The following TIAM1 variants were observed in gnomAD, a reference collection of about 807,000 sequenced individuals.
TIAM1 encodes TIAM Rac1 associated GEF 1.
Under a neutral mutation model 163.5 loss-of-function variants are expected in TIAM1, and 65 were observed. That is an observed-to-expected ratio of 0.40 (90% CI 0.33 to 0.49). The LOEUF (loss-of-function observed/expected upper bound fraction) is 0.49, where lower values mean the gene tolerates loss of function less well. Ranked by LOEUF, TIAM1 falls within the 20% of genes least tolerant of loss-of-function variation. TIAM1 has a pLI of 0.77. For missense variants in TIAM1, 1,789 were observed against 2,044.7 expected (o/e 0.87, Z 2.41); for synonymous variants, 833 against 810.1 (o/e 1.03, Z -0.48).
intron 2 of TIAM1, among the ~76,000 whole-genome samples, chr21:31,294,373 A>AAGCTGAG (rs2074152183): frequency 1.3e-5 from 2 of 152,350 alleles, no homozygotes; most frequent in Middle Eastern, 3.4e-3. Context: ...GAGAGAAAGC[A>AAGCTGAG]AGCTGAGAGT....
At chr21:31,158,743 A>G (rs1352842603) in intron 16 of TIAM1, among the ~76,000 whole-genome samples, 3 of 152,142 alleles carry the variant, frequency 2.0e-5, no homozygotes, top group Non-Finnish European at 4.4e-5. Flanking sequence ...TCTAAGCTAG[A>G]GATTTTTCCA....
In TIAM1 at chr21:31,479,117, C is replaced by A. The variant is rs547405171; in HGVS notation, c.-421-15082G>T. On this transcript the variant is annotated intron_variant, in intron 1 of 28. Coordinates refer to the TIAM1 transcript ENST00000286827. ...TTCGTGAGCATTAGGACTGTCACAA[C>A]TGTGGTCTGCACAACTTAGATTCCA... Among the ~76,000 whole-genome samples, 33 of 152,350 alleles carry A rather than the reference C, an allele frequency of 2.2e-4. 1 individual carries two copies. In the South Asian group the frequency reaches 5.6e-3, roughly 26 times the overall value.
intron 2 of TIAM1, among the ~76,000 whole-genome samples, chr21:31,422,899 T>C (rs2043628335): frequency 6.6e-6 from 1 of 152,058 alleles, no homozygotes; most frequent in African/African-American, 2.4e-5. Flanking sequence ...CATCCATTGC[T>C]CCTGCAGCAC....
chr21:31,316,015 G>C (rs1387544697), intron 2 of TIAM1, among the ~76,000 whole-genome samples: 5 of 152,164 alleles, frequency 3.3e-5, no homozygotes, highest in South Asian at 2.1e-4. Context: ...CATCAACCAT[G>C]ATGACCCTGA....
chr21:31,347,734 G>T (rs1387645523), upstream of TIAM1, among the ~76,000 whole-genome samples: 1 of 152,158 alleles, frequency 6.6e-6, no homozygotes, highest in Non-Finnish European at 1.5e-5. Context: ...AAAGATGCAT[G>T]CACGGACGTT....
intron 3 of TIAM1, among the ~76,000 whole-genome samples, chr21:31,268,500 A>T (rs1044601471): frequency 1.6e-4 from 24 of 152,352 alleles, no homozygotes; most frequent in Admixed American, 1.4e-3. Context: ...CACAAAGGGA[A>T]ACCCTCCATT....
intron 10 of TIAM1, 81 bp from the exon 11 acceptor site, chr21:31,210,296 A>G: frequency 2.1e-6 from 3 of 1,457,256 alleles, no homozygotes; most frequent in Non-Finnish European, 2.8e-6. Flanking sequence ...CACAGGAATC[A>G]CCGATTCCCA....
intron 1 of TIAM1, among the ~76,000 whole-genome samples, chr21:31,489,124 A>G (rs185445478): frequency 6.7e-6 from 1 of 149,970 alleles, no homozygotes; most frequent in Non-Finnish European, 1.5e-5. Context: ...AATTGCAGCA[A>G]TTTGGGAGGC....
rs1252266865 is a variant in TIAM1 at position 31,210,643 on chromosome 21, A to G, written c.2218-428T>C. Among the ~76,000 whole-genome samples the G allele has an allele frequency of 8.5e-4, 21 of 24,580 alleles. 1 individual carries two copies. Among genetic ancestry groups the G allele is most frequent in the African/African-American group, 3.5e-3 (17 of 4,866 alleles). 16.1% of individuals were successfully genotyped at this position (24,580 alleles called of 152,430 possible). A position where few individuals can be genotyped will look rare whatever the true frequency, so the allele number is the denominator to read the frequency against. ...AAAGAAAGAAAGAAAGAAAGAAAGA[A>G]AGAAAGAAAGAAAGAAAGAAAGAAA... On this transcript the variant is annotated intron_variant, in intron 10 of 27. Transcript: ENST00000541036.
At chr21:31,268,682 C>T (rs1240902314) in intron 3 of TIAM1, among the ~76,000 whole-genome samples, 7 of 152,188 alleles carry the variant, frequency 4.6e-5, no homozygotes, top group Admixed American at 3.3e-4. Context: ...AATATGTTCA[C>T]GCTTCTCTGG....
At chr21:31,202,832 A>G (rs2086269744) in intron 12 of TIAM1, 76 bp downstream of exon 12, 1 of 1,395,272 alleles carries the variant, frequency 7.2e-7, no homozygotes, top group South Asian at 1.2e-5. Context: ...TCCACCAACT[A>G]CAATTAACAC....
At chr21:31,249,050 T>C (rs572736911) in intron 5 of TIAM1, among the ~76,000 whole-genome samples, 16 of 152,346 alleles carry the variant, frequency 1.1e-4, no homozygotes, top group African/African-American at 3.6e-4. Flanking sequence ...CCTGGGAAGC[T>C]TGTTTAAATC....
At chr21:31,241,556 C>A (rs2071176117) in intron 6 of TIAM1, among the ~76,000 whole-genome samples, 2 of 152,146 alleles carry the variant, frequency 1.3e-5, no homozygotes, top group South Asian at 4.2e-4. Flanking sequence ...AAGAAAGTCA[C>A]TAAACAAAGA....
At chr21:31,485,396 C>G (rs974827607) in intron 1 of TIAM1, among the ~76,000 whole-genome samples, 3 of 152,176 alleles carry the variant, frequency 2.0e-5, no homozygotes, top group African/African-American at 7.2e-5. Context: ...ATTTTTAACT[C>G]ACTGTAGCAT....
At chr21:31,382,025 T>C (rs962493582) in intron 2 of TIAM1, among the ~76,000 whole-genome samples, 9 of 152,202 alleles carry the variant, frequency 5.9e-5, no homozygotes, top group Admixed American at 3.3e-4. Flanking sequence ...TATTTCACTA[T>C]AGCAGTTCAA....
chr21:31,297,714 T>C (rs548472661), intron 2 of TIAM1, among the ~76,000 whole-genome samples: 3 of 152,282 alleles, frequency 2.0e-5, no homozygotes, highest in Non-Finnish European at 1.5e-5. Context: ...CACTGAGCTG[T>C]TCACCTGAAA....
chr21:31,493,949 C>G (rs1283345741), intron 1 of TIAM1, among the ~76,000 whole-genome samples: 1 of 152,128 alleles, frequency 6.6e-6, no homozygotes, highest in Non-Finnish European at 1.5e-5. Context: ...GAGTGTCACT[C>G]TGTCACCCGG....
At chr21:31,260,700 GAA>G (rs36041797) in intron 4 of TIAM1, among the ~76,000 whole-genome samples, 2 of 120,936 alleles carry the variant, frequency 1.7e-5, no homozygotes, top group African/African-American at 3.4e-5. Flanking sequence ...AAAGAGAAAA[GAA>G]AAAAAAAAAA....
At chr21:31,176,726 G>A (rs902033574) in intron 15 of TIAM1, among the ~76,000 whole-genome samples, 4 of 152,098 alleles carry the variant, frequency 2.6e-5, no homozygotes, top group African/African-American at 9.7e-5. Flanking sequence ...GCATGTCACC[G>A]TAAAATTCCA....
Sources: allele counts gnomAD v4.1 joint callset (sites outside exome capture counted in the v4.1 genomes callset), GRCh38; gene constraint gnomAD v4.1.1; transcripts MANE v1.5; gene names NCBI Gene and HGNC (gene_info 2026-07-23, HGNC 2026-07-21).